DNMBP: variants seen among roughly 807,000 people sequenced by gnomAD.
The protein encoded by DNMBP is dynamin binding protein.
In DNMBP, 87 loss-of-function variants were observed where a neutral mutation model predicts 150.0. The observed-to-expected ratio is 0.58, with a 90% confidence interval of 0.49 to 0.69. The LOEUF is 0.69. DNMBP is among the 30% of genes least tolerant of loss of function. The pLI is 0.00. For synonymous variants in DNMBP, 711 were observed against 750.4 expected (o/e 0.95, Z 0.86); for missense variants, 1,774 against 1,949.0 (o/e 0.91, Z 1.69).
intron 1 of DNMBP, among the ~76,000 whole-genome samples, chr10:100,002,835 A>G (rs1178878689): frequency 6.6e-6 from 1 of 152,168 alleles, no homozygotes; most frequent in African/African-American, 2.4e-5. Flanking sequence ...ATTTATGATG[A>G]AAACTCTCAG....
At chr10:100,007,404 G>GC (rs199813533) in intron 1 of DNMBP, among the ~76,000 whole-genome samples, 5,555 of 152,218 alleles carry the variant, frequency 0.036, 154 homozygotes, top group Admixed American at 0.072. Context: ...ACACACAGGT[G>GC]CCCCCCACAA....
At position 99,956,343 on chromosome 10, in the gene DNMBP, G is replaced by C. The variant is rs560503880; in HGVS notation, c.1131C>G (p.Asp377Glu). 125 of 1,613,924 alleles carry C rather than the reference G, an allele frequency of 7.7e-5. 1 individual carries two copies. The South Asian group carries it at 1.2e-3, about 15-fold the overall frequency. The change falls in exon 4 of 17, where the codon GAC becomes GAG. Residue 377 changes from aspartate (D) to glutamate (E), a missense_variant. Transcript: ENST00000324109. ...EYDTDRNSYQ[D>E]EDTAGGPPRS... Reference sequence around the variant, plus strand: ...TCGGGGGCCCTCCTGCGGTGTCCTCGTCCTGATAAGAGTTTCTGTCTGTGT... The same window carrying C: ...TCGGGGGCCCTCCTGCGGTGTCCTCCTCCTGATAAGAGTTTCTGTCTGTGT...
chr10:99,956,037 G>A lies in DNMBP; in HGVS notation c.1437C>T (p.Tyr479=). The change falls in exon 4 of 17, where the codon TAC becomes TAT. Residue 479 remains tyrosine, a synonymous_variant. Coordinates refer to ENST00000324109, the MANE Select transcript of DNMBP (RefSeq NM_015221.4). The stretch of plus-strand genomic sequence containing the variant: ...TTGAAGCTGAAACAGAAGAGCCCCT[G>A]TAAAGAGGGAGCACTGGCTTCTGAA... The part of the protein sequence containing the change: ...KTLQKPVLPL[Y]RGSSVSASRV... 1 of 1,614,222 alleles carries A rather than the reference G, an allele frequency of 6.2e-7. No homozygotes were observed. The highest frequency in any genetic ancestry group is 8.5e-7 in the Non-Finnish European group (1 of 1,180,038).
chr10:99,877,827 G>A (rs1220192676), intron 16 of DNMBP, among the ~76,000 whole-genome samples: 2 of 152,064 alleles, frequency 1.3e-5, no homozygotes, highest in African/African-American at 4.8e-5. Flanking sequence ...TCGCGCCACT[G>A]GACTCCAGAC....
rs1333000105 is a variant in DNMBP, at chr10:99,892,043, T to TG, written c.3156+2902dup. Among the ~76,000 whole-genome samples, 133 of 120,560 alleles carry TG rather than the reference T, an allele frequency of 1.1e-3. 8 individuals carry two copies. In the East Asian group the frequency reaches 0.03, roughly 27 times the overall value. 79.1% of individuals were successfully genotyped at this position (120,560 alleles called of 152,430 possible). On this transcript the variant is annotated intron_variant, in intron 11 of 16. Transcript: ENST00000324109. ...CCAGCCGCCCCGTCCGGGAGGGAGG[T>TG]GGGGGGGTCAGCTCCCCGCCCGGCC...
rs537506967 is a variant in DNMBP at position 99,968,559 on chromosome 10, G to A, written c.268+556C>T. 6.6e-5 allele frequency among the ~76,000 whole-genome samples: 10 copies of A among 152,036 alleles called. No homozygotes were observed. In the East Asian group the frequency reaches 7.7e-4, roughly 12 times the overall value. ...AAAAATTAGCCCAGCGTGGTAGCAC[G>A]TGCCTGCGGTCCCAGCTACTCATGA... On this transcript the variant is annotated intron_variant, in intron 3 of 16. Transcript: ENST00000324109.
intron 1 of DNMBP, among the ~76,000 whole-genome samples, chr10:100,001,399 G>A (rs2133389046): frequency 7.3e-6 from 1 of 136,202 alleles, no homozygotes; most frequent in Non-Finnish European, 1.5e-5. Context: ...TTGTGATGGG[G>A]TTTTGTTGTT....
intron 4 of DNMBP, among the ~76,000 whole-genome samples, chr10:99,920,818 C>T (rs1430413757): frequency 2.6e-5 from 4 of 151,870 alleles, no homozygotes; most frequent in African/African-American, 9.7e-5. Flanking sequence ...TAGCTGGAAC[C>T]ACAGGCACAA....
In DNMBP at chr10:99,956,634, C is replaced by T. The variant is rs758275310; in HGVS notation, c.840G>A (p.Trp280Ter). ...TCCTGCCCTTCAGGGATCCTTCCAG[C>T]CAGCCATCTTCCAAGGTCGCCAGAA... ...IRILATLEDGWLEGSLKGRTG... is the reference protein window; with the variant it reads ...IRILATLEDG The change falls in exon 4 of 17, where the codon TGG becomes TGA. Residue 280 changes from tryptophan (W) to a stop codon, truncating the protein, a stop_gained. Coordinates refer to ENST00000324109, the MANE Select transcript of DNMBP (RefSeq NM_015221.4). LOFTEE classifies it high-confidence loss of function. 1.2e-6 allele frequency: 2 copies of T among 1,613,954 alleles called. No individual in the cohort carries two copies. Among genetic ancestry groups the T allele is most frequent in the East Asian group, 2.2e-5 (1 of 44,876 alleles).
intron 7 of DNMBP, among the ~76,000 whole-genome samples, 199 bp from the exon 8 acceptor site, chr10:99,898,959 G>A (rs1054943574): frequency 4.6e-5 from 7 of 152,026 alleles, no homozygotes; most frequent in South Asian, 4.2e-4. Flanking sequence ...TTGGGAGGCC[G>A]AGGCGGGTGG....
chr10:100,004,786 T>G (rs530005347), intron 1 of DNMBP, among the ~76,000 whole-genome samples: 1 of 152,208 alleles, frequency 6.6e-6, no homozygotes, highest in Non-Finnish European at 1.5e-5. Flanking sequence ...GATCAAAGGA[T>G]GGCAAAGACA....
At position 99,972,262 on chromosome 10, in the gene DNMBP, A is replaced by T. The variant is rs1346026440; in HGVS notation, c.-10-128T>A. The T allele has an allele frequency of 3.5e-6, 3 of 848,654 alleles. No individual in the cohort carries two copies. The East Asian group carries it at 8.4e-5, about 24-fold the overall frequency. The allele number at this position is 848,654 out of a possible 1,614,324, so 52.6% of individuals were successfully genotyped here. A position where few individuals can be genotyped will look rare whatever the true frequency, so the allele number is the denominator to read the frequency against. On this transcript the variant is annotated intron_variant, in intron 1 of 16. Transcript: ENST00000324109. ...AAATGAAGCCAAAGCTAAGCAAATAAGTTAGTACTTCCTATTTTATTTTTG... is the reference window on the plus strand; with the variant it reads ...AAATGAAGCCAAAGCTAAGCAAATATGTTAGTACTTCCTATTTTATTTTTG...
chr10:99,942,828 A>G (rs1485374937), intron 4 of DNMBP, among the ~76,000 whole-genome samples: 1 of 152,226 alleles, frequency 6.6e-6, no homozygotes, highest in Non-Finnish European at 1.5e-5. Context: ...GTCTTATACT[A>G]GGATAAAATC....
chr10:99,955,908 C>T lies in DNMBP; in HGVS notation c.1566G>A (p.Glu522=), dbSNP rs1445036795. ...SSVYSISERL[E]MKPGPQAQGL... ...CTTGGGCTTGCGGACCAGGCTTCAT[C>T]TCCAATCTCTCTGAGATGGAGTAAA... Residue 522 remains glutamate, a synonymous_variant, in exon 4 of 17, where the codon GAG becomes GAA. Transcript: ENST00000324109. 6.2e-7 allele frequency: 1 copy of T among 1,614,150 alleles called. No homozygotes were observed. Among genetic ancestry groups the T allele is most frequent in the African/African-American group, 1.3e-5 (1 of 75,044 alleles).
chr10:99,907,907 A>G, intron 6 of DNMBP, 88 bp downstream of exon 6: 1 of 895,964 alleles, frequency 1.1e-6, no homozygotes, highest in Non-Finnish European at 1.8e-6. Context: ...TCCCGGAGGC[A>G]TAGTTACTCA....
At chr10:99,909,779 G>C (rs1160538992) in intron 4 of DNMBP, among the ~76,000 whole-genome samples, 1 of 152,148 alleles carries the variant, frequency 6.6e-6, no homozygotes, top group Non-Finnish European at 1.5e-5. Flanking sequence ...TTACTCAAAT[G>C]TCCTAGTAGA....
At chr10:99,895,203 T>C (rs1056238480) in intron 10 of DNMBP, among the ~76,000 whole-genome samples, 153 bp from the exon 11 acceptor site, 2 of 150,012 alleles carry the variant, frequency 1.3e-5, no homozygotes, top group African/African-American at 4.9e-5. Context: ...CTTGGCTCAC[T>C]GCAACCTCCG....
At chr10:99,884,524 T>G (rs770539602) in intron 14 of DNMBP, among the ~76,000 whole-genome samples, 15 of 151,614 alleles carry the variant, frequency 9.9e-5, no homozygotes, top group Admixed American at 4.6e-4. Context: ...TTAGTAGGTC[T>G]TCTTGTATTT....
chr10:99,881,349 A>G (rs1041808270), intron 15 of DNMBP, among the ~76,000 whole-genome samples: 3 of 148,836 alleles, frequency 2.0e-5, no homozygotes, highest in Non-Finnish European at 4.4e-5. Flanking sequence ...CTAACGTAGG[A>G]AACTGTTTGT....
Sources: gnomAD v4.1 joint callset for allele counts (sites outside exome capture counted in the v4.1 genomes callset) on GRCh38, gnomAD v4.1.1 for gene constraint, MANE v1.5 for transcripts, NCBI Gene and HGNC (gene_info 2026-07-23, HGNC 2026-07-21) for gene names.